Variants in CEP128 observed in about 807,000 individuals in gnomAD.
CEP128 encodes centrosomal protein 128kDa.
In CEP128, 132 loss-of-function variants were observed where a neutral mutation model predicts 156.7. The ratio of observed to expected loss-of-function variants is 0.84; its 90% CI spans 0.73 to 0.97. The LOEUF is 0.97. Ranked by LOEUF, CEP128 falls within the 50% of genes least tolerant of loss-of-function variation. CEP128 has a pLI of 0.00. For missense variants in CEP128, 1,252 were observed against 1,281.9 expected (o/e 0.98, Z 0.36); for synonymous variants, 469 against 448.9 (o/e 1.04, Z -0.57).
chr14:80,524,580 A>C (rs146369724), intron 23 of CEP128, among the ~76,000 whole-genome samples: 14 of 152,128 alleles, frequency 9.2e-5, no homozygotes, highest in African/African-American at 3.1e-4. Flanking sequence ...ACTTATTTTC[A>C]TGAAAGGAAT....
chr14:80,561,226 A>G (rs968202548), intron 20 of CEP128, among the ~76,000 whole-genome samples: 2 of 152,234 alleles, frequency 1.3e-5, no homozygotes, highest in Non-Finnish European at 2.9e-5. Flanking sequence ...AATTAGCCCA[A>G]AGCAGACTGT....
At chr14:80,920,824 T>A (rs1184762745) in intron 2 of CEP128, among the ~76,000 whole-genome samples, 1 of 152,234 alleles carries the variant, frequency 6.6e-6, no homozygotes, top group Non-Finnish European at 1.5e-5. Context: ...TACACTTTCC[T>A]AATGGGAACA....
intron 20 of CEP128, among the ~76,000 whole-genome samples, chr14:80,567,757 C>G (rs1890976407): frequency 1.3e-5 from 2 of 152,074 alleles, no homozygotes; most frequent in African/African-American, 4.8e-5. Context: ...GACTGGAGAA[C>G]AACTAAAGAT....
chr14:80,592,652 G>A (rs1164945484), intron 19 of CEP128, among the ~76,000 whole-genome samples: 2 of 152,080 alleles, frequency 1.3e-5, no homozygotes, highest in African/African-American at 2.4e-5. Flanking sequence ...TATTTTATGA[G>A]GCCAGCACCA....
chr14:80,771,225 A>G (rs571788033), intron 16 of CEP128, among the ~76,000 whole-genome samples: 1 of 152,312 alleles, frequency 6.6e-6, no homozygotes, highest in East Asian at 1.9e-4. Context: ...AATTTGTTGA[A>G]TGCAATAACC....
At chr14:80,854,030 G>A (rs1347972680) in intron 9 of CEP128, among the ~76,000 whole-genome samples, 5 of 151,968 alleles carry the variant, frequency 3.3e-5, no homozygotes, top group African/African-American at 1.2e-4. Context: ...ATTTTTAAAT[G>A]AGCAAAAGTC....
chr14:80,526,646 G>C (rs1888985340), intron 23 of CEP128: 3 of 365,274 alleles, frequency 8.2e-6, no homozygotes, highest in African/African-American at 6.2e-5. Flanking sequence ...ATCAAGCAGT[G>C]ATGGCACAGA....
At chr14:80,685,775 G>A (rs1408593928) in intron 19 of CEP128, among the ~76,000 whole-genome samples, 2 of 151,942 alleles carry the variant, frequency 1.3e-5, no homozygotes, top group Non-Finnish European at 2.9e-5. Context: ...TGGAACAATA[G>A]AACAGAATAG....
chr14:80,618,110 A>C (rs1893305159), intron 19 of CEP128, among the ~76,000 whole-genome samples: 1 of 152,242 alleles, frequency 6.6e-6, no homozygotes, highest in Non-Finnish European at 1.5e-5. Flanking sequence ...ACATGCAATA[A>C]AGATAAGTAT....
At chr14:80,932,902 A>G (rs1182391355) in intron 2 of CEP128, among the ~76,000 whole-genome samples, 1 of 151,958 alleles carries the variant, frequency 6.6e-6, no homozygotes, top group African/African-American at 2.4e-5. Flanking sequence ...AATAATAATA[A>G]TAATAATGAT....
chr14:80,714,291 C>A (rs956393055), intron 19 of CEP128, among the ~76,000 whole-genome samples: 2 of 151,878 alleles, frequency 1.3e-5, no homozygotes, highest in African/African-American at 4.8e-5. Flanking sequence ...ATCACCCATT[C>A]AAGGCAAAAC....
chr14:80,547,201 T>C (rs1003146456), intron 21 of CEP128, among the ~76,000 whole-genome samples: 2 of 152,164 alleles, frequency 1.3e-5, no homozygotes, highest in Admixed American at 6.5e-5. Flanking sequence ...ATCAAAGTTG[T>C]TGTATGAAAC....
intron 4 of CEP128, among the ~76,000 whole-genome samples, chr14:80,911,771 T>C (rs1029899885): frequency 3.9e-5 from 6 of 152,198 alleles, no homozygotes; most frequent in Non-Finnish European, 8.8e-5. Context: ...TCATTATGAT[T>C]AAAGGCAATG....
intron 9 of CEP128, 81 bp from the exon 10 acceptor site, chr14:80,840,849 G>C: frequency 1.2e-6 from 1 of 844,250 alleles, no homozygotes; most frequent in Non-Finnish European, 2.0e-6. Context: ...TTATGTATTA[G>C]GGCTGAAGAA....
In CEP128 at chr14:80,644,755, A is replaced by G. The variant is rs1230773482; in HGVS notation, c.2807-64332T>C. 9.2e-5 allele frequency among the ~76,000 whole-genome samples: 14 copies of G among 152,296 alleles called. No individual in the cohort carries two copies. The East Asian group carries it at 2.5e-3, about 27-fold the overall frequency. ...ATAAAATTAAGTTCATTGGAAAGTA[A>G]AAGAATTTGAGTCATGACAACTGGC... is the stretch of plus-strand genomic sequence containing the variant. On this transcript the variant is annotated intron_variant, in intron 19 of 24. Transcript: ENST00000555265.
At chr14:80,705,763 T>A (rs1051773744) in intron 19 of CEP128, among the ~76,000 whole-genome samples, 1 of 152,186 alleles carries the variant, frequency 6.6e-6, no homozygotes, top group African/African-American at 2.4e-5. Context: ...GAGAGCCATA[T>A]GTGGATTCTC....
chr14:80,610,903 T>C (rs1595085684), intron 19 of CEP128, among the ~76,000 whole-genome samples: 1 of 151,984 alleles, frequency 6.6e-6, no homozygotes, highest in Non-Finnish European at 1.5e-5. Flanking sequence ...CTCCAAGAAA[T>C]GGTAAGTAAA....
downstream of CEP128, among the ~76,000 whole-genome samples, chr14:80,487,445 C>T (rs925829353): frequency 6.6e-6 from 1 of 152,220 alleles, no homozygotes; most frequent in Non-Finnish European, 1.5e-5. Flanking sequence ...TAATACCCCA[C>T]TGTCAACATT....
chr14:80,878,947 A>G (rs1020803644), intron 8 of CEP128, among the ~76,000 whole-genome samples: 13 of 152,196 alleles, frequency 8.5e-5, no homozygotes, highest in African/African-American at 3.1e-4. Flanking sequence ...AGATCCTCTC[A>G]GCTAAGAATC....
Sources: gnomAD v4.1 joint callset for allele counts (sites outside exome capture counted in the v4.1 genomes callset) on GRCh38, gnomAD v4.1.1 for gene constraint, MANE v1.5 for transcripts, NCBI Gene and HGNC (gene_info 2026-07-23, HGNC 2026-07-21) for gene names.